CSMD1: variants seen among roughly 807,000 people sequenced by gnomAD.
CSMD1 encodes the protein CUB and Sushi multiple domains 1.
In CSMD1, 213 loss-of-function variants were observed where a neutral mutation model predicts 417.5. The observed-to-expected ratio is 0.51, with a 90% confidence interval of 0.46 to 0.57. The LOEUF is 0.57. Among genes scored for constraint, CSMD1 ranks in the 20% least tolerant of loss-of-function variants. The pLI, the probability that CSMD1 is intolerant of heterozygous loss-of-function variation, is 0.00. For missense variants in CSMD1, 6,923 were observed against 4,529.7 expected (o/e 1.53, Z -15.17); for synonymous variants, 2,862 against 1,736.8 (o/e 1.65, Z -16.11).
At chr8:3,392,571 C>T (rs1005103911) in intron 17 of CSMD1, among the ~76,000 whole-genome samples, 15 of 152,162 alleles carry the variant, frequency 9.9e-5, no homozygotes, top group Admixed American at 9.8e-4. Context: ...TCCTGCTTGC[C>T]TGTGGGTTTT....
chr8:4,151,054 C>A (rs1796548287), intron 3 of CSMD1, among the ~76,000 whole-genome samples: 1 of 152,074 alleles, frequency 6.6e-6, no homozygotes, highest in Non-Finnish European at 1.5e-5. Context: ...GGTTGAGGAG[C>A]CTACAGCTAA....
intron 50 of CSMD1, among the ~76,000 whole-genome samples, chr8:3,049,778 T>C (rs1476054797): frequency 6.6e-6 from 1 of 152,094 alleles, no homozygotes; most frequent in Non-Finnish European, 1.5e-5. Flanking sequence ...TGGGTGATGA[T>C]GGTATGTCAA....
intron 1 of CSMD1, among the ~76,000 whole-genome samples, chr8:4,708,272 T>C (rs1808077709): frequency 6.6e-6 from 1 of 152,158 alleles, no homozygotes; most frequent in African/African-American, 2.4e-5. Context: ...CTTGATTCCC[T>C]TCAGAATATA....
intron 3 of CSMD1, among the ~76,000 whole-genome samples, chr8:4,379,363 A>G (rs183760173): frequency 3.3e-4 from 51 of 152,320 alleles, no homozygotes; most frequent in African/African-American, 1.2e-3. Flanking sequence ...GACAGGAGGA[A>G]TAAATAGAAT....
chr8:3,462,577 G>T (rs1277292332), intron 12 of CSMD1, among the ~76,000 whole-genome samples: 1 of 152,146 alleles, frequency 6.6e-6, no homozygotes, highest in Non-Finnish European at 1.5e-5. Context: ...TCACCCAGAT[G>T]GGACTGTCTA....
At chr8:4,798,511 A>T (rs904185225) in intron 1 of CSMD1, among the ~76,000 whole-genome samples, 1 of 152,228 alleles carries the variant, frequency 6.6e-6, no homozygotes, top group African/African-American at 2.4e-5. Flanking sequence ...TTACTCTGAT[A>T]TGTGAACAGA....
chr8:3,785,165 C>G (rs1340853187), intron 5 of CSMD1, among the ~76,000 whole-genome samples: 2 of 152,116 alleles, frequency 1.3e-5, no homozygotes, highest in African/African-American at 4.8e-5. Flanking sequence ...GCCTTAGTGC[C>G]TGTCTGCATG....
chr8:3,546,188 A>G (rs554538460), intron 10 of CSMD1, among the ~76,000 whole-genome samples: 1 of 152,304 alleles, frequency 6.6e-6, no homozygotes, highest in African/African-American at 2.4e-5. Context: ...ATGGAAAAAA[A>G]CACTTCATCT....
chr8:4,883,135 T>C (rs966978923), intron 1 of CSMD1, among the ~76,000 whole-genome samples: 45 of 152,084 alleles, frequency 3.0e-4, no homozygotes, highest in African/African-American at 9.9e-4. Flanking sequence ...AATTTAAGAA[T>C]TCAATATCGC....
intron 3 of CSMD1, among the ~76,000 whole-genome samples, chr8:4,121,479 A>G (rs1213234127): frequency 6.6e-6 from 1 of 152,188 alleles, no homozygotes; most frequent in Admixed American, 6.5e-5. Flanking sequence ...GCTTCTAGTT[A>G]CTTTCCTATT....
intron 1 of CSMD1, among the ~76,000 whole-genome samples, chr8:4,858,649 T>A (rs1363909535): frequency 6.6e-6 from 1 of 151,652 alleles, no homozygotes; most frequent in Non-Finnish European, 1.5e-5. Context: ...AAATCACGAG[T>A]GAACTCCCAT....
intron 8 of CSMD1, among the ~76,000 whole-genome samples, chr8:3,607,970 G>C (rs969710018): frequency 2.0e-5 from 3 of 152,138 alleles, no homozygotes; most frequent in Admixed American, 6.5e-5. Flanking sequence ...AGGAGTTCAA[G>C]ACCAGCCTGG....
chr8:3,388,814 C>A (rs145256436), intron 17 of CSMD1, among the ~76,000 whole-genome samples: 1 of 151,932 alleles, frequency 6.6e-6, no homozygotes, highest in Non-Finnish European at 1.5e-5. Context: ...CCAGAGGCAA[C>A]GTGGATATCA....
intron 5 of CSMD1, among the ~76,000 whole-genome samples, chr8:3,835,290 T>G (rs946568978): frequency 2.0e-5 from 3 of 152,042 alleles, no homozygotes; most frequent in Non-Finnish European, 4.4e-5. Context: ...GCGGCACTAT[T>G]CACAATAGCA....
intron 23 of CSMD1, among the ~76,000 whole-genome samples, chr8:3,315,437 A>AGTGTGTGTGT (rs35460301): frequency 0.024 from 2,987 of 124,128 alleles, 55 homozygotes; most frequent in African/African-American, 0.054. Context: ...AGGTGAAGTG[A>AGTGTGTGTGT]GTGTGTGTGT....
intron 3 of CSMD1, among the ~76,000 whole-genome samples, chr8:4,052,272 C>T (rs1310533118): frequency 6.6e-6 from 1 of 152,168 alleles, no homozygotes; most frequent in Non-Finnish European, 1.5e-5. Context: ...AGGGCACAGC[C>T]TGCCATTTGG....
chr8:4,168,578 G>C lies in CSMD1; in HGVS notation c.416-136479C>G, dbSNP rs74334669. Among the ~76,000 whole-genome samples the C allele has an allele frequency of 8.0e-3, 1,223 of 151,962 alleles. 44 individuals carry two copies. Among genetic ancestry groups the C allele is most frequent in the East Asian group, 0.077 (400 of 5,164 alleles). On this transcript the variant is annotated intron_variant, in intron 3 of 69. Coordinates refer to ENST00000635120, the MANE Select transcript of CSMD1 (RefSeq NM_033225.6). ...GATGAGAAGCAGAAGGACAATAGAC[G>C]GGCTTTGCAGGGACAAAACGCTACC...
At position 4,316,729 on chromosome 8, in the gene CSMD1, G is replaced by A. The variant is rs950733543; in HGVS notation, c.415+103224C>T. ...TTCAAAATAATGGGATTTTCAGAAC[G>A]ATAGTTAAATAAGAAAGTGGTCGAA... On this transcript the variant is annotated intron_variant, in intron 3 of 69. Transcript: ENST00000635120. Among the ~76,000 whole-genome samples, 5 of 152,000 alleles carry A rather than the reference G, an allele frequency of 3.3e-5. No homozygotes were observed. In the East Asian group the frequency reaches 5.8e-4, roughly 18 times the overall value.
chr8:3,469,855 ATGC>A (rs1230121493), intron 11 of CSMD1, among the ~76,000 whole-genome samples: 1 of 152,218 alleles, frequency 6.6e-6, no homozygotes, highest in African/African-American at 2.4e-5. Context: ...ATTTCTGTGA[ATGC>A]TGTGTGGTTA....
Sources: gnomAD v4.1 joint callset for allele counts (sites outside exome capture counted in the v4.1 genomes callset) on GRCh38, gnomAD v4.1.1 for gene constraint, MANE v1.5 for transcripts, NCBI Gene and HGNC (gene_info 2026-07-23, HGNC 2026-07-21) for gene names.